The following SDAD1 variants were observed in gnomAD, a reference collection of about 807,000 sequenced individuals.
SDAD1 encodes the protein SDA1 domain containing 1, also known as protein SDA1 homolog.
Under a neutral mutation model 100.3 loss-of-function variants are expected in SDAD1, and 79 were observed. The observed-to-expected ratio is 0.79, with a 90% CI of 0.66 to 0.95. SDAD1 has a LOEUF of 0.95. Among genes scored for constraint, SDAD1 ranks in the 40% least tolerant of loss-of-function variants. The probability of loss-of-function intolerance (pLI) is 0.00; values close to 1 mark genes in which losing one functional copy is unlikely to be tolerated. For missense variants in SDAD1, 790 were observed against 810.9 expected, an observed-to-expected ratio of 0.97 and a Z score of 0.31; for synonymous variants, 267 against 271.4, an observed-to-expected ratio of 0.98 and a Z score of 0.16.
chr4:75,964,890 G>A (rs899533717), intron 13 of SDAD1, among the ~76,000 whole-genome samples: 13 of 152,074 alleles, frequency 8.5e-5, no homozygotes, highest in East Asian at 1.9e-4. Context: ...TCTTAATCCC[G>A]TCATCTTCAT....
Position 75,956,138 on chromosome 4 carries a change from T to G in SDAD1, c.1855-2A>C. On this transcript the variant is annotated splice_acceptor_variant, in intron 20 of 21. Transcript: ENST00000356260. LOFTEE classifies it high-confidence loss of function. ...TTCTTTTCGGTCTGTCTTTCCAGCC[T>G]ACCAGAACAAAAAGTTTGATATTTC... The G allele has an allele frequency of 6.3e-7, 1 of 1,595,278 alleles. No homozygotes were observed. The highest frequency in any genetic ancestry group is 1.1e-5 in the South Asian group (1 of 87,072).
intron 4 of SDAD1, among the ~76,000 whole-genome samples, 191 bp from the exon 5 acceptor site, chr4:75,976,186 G>A (rs1039921430): frequency 1.3e-5 from 2 of 152,184 alleles, no homozygotes; most frequent in African/African-American, 4.8e-5. Context: ...TCCTCAAGAA[G>A]TTAAACATGG....
At chr4:75,967,141 G>C (rs953191166) in intron 12 of SDAD1, 136 bp downstream of exon 12, 28 of 771,200 alleles carry the variant, frequency 3.6e-5, no homozygotes, top group Non-Finnish European at 1.1e-5. Context: ...ACTCTAGAAA[G>C]AAAACAAGGG....
At chr4:75,956,440 T>A (rs1728901039) in intron 20 of SDAD1, among the ~76,000 whole-genome samples, 1 of 146,830 alleles carries the variant, frequency 6.8e-6, no homozygotes, top group South Asian at 2.1e-4. Flanking sequence ...AAGGCATTCA[T>A]GGTAAGGGAA....
chr4:75,971,544 C>A, intron 8 of SDAD1, 86 bp from the exon 9 acceptor site: 2 of 951,446 alleles, frequency 2.1e-6, no homozygotes, highest in South Asian at 1.4e-5. Context: ...CTTCTTCGTT[C>A]TTATACTCTT....
chr4:75,966,312 A>ACACACACACACACT (rs1383701973), intron 12 of SDAD1, among the ~76,000 whole-genome samples: 3 of 136,028 alleles, frequency 2.2e-5, no homozygotes, highest in Non-Finnish European at 4.8e-5. Flanking sequence ...ACACACACAC[A>ACACACACACACACT]CTGTCTCTTT....
intron 1 of SDAD1, among the ~76,000 whole-genome samples, chr4:75,990,204 C>A (rs184331231): frequency 6.6e-6 from 1 of 151,836 alleles, no homozygotes; most frequent in Admixed American, 6.6e-5. Context: ...TCATGCCAGT[C>A]TCCGGTAAGT....
intron 12 of SDAD1, among the ~76,000 whole-genome samples, chr4:75,966,835 T>A (rs1729570437): frequency 6.6e-6 from 1 of 152,184 alleles, no homozygotes; most frequent in African/African-American, 2.4e-5. Context: ...AAGGGCACAA[T>A]CTCGGCTCAC....
At position 75,957,578 on chromosome 4, in the gene SDAD1, G is replaced by A. The variant is rs1728972535; in HGVS notation, c.1709C>T (p.Ala570Val). 1.2e-6 allele frequency: 2 copies of A among 1,614,182 alleles called. No homozygotes were observed. The highest frequency in any genetic ancestry group is 1.6e-4 in the Middle Eastern group (1 of 6,062). The change falls in exon 19 of 22, where the codon GCT becomes GTT. Residue 570 changes from alanine (A) to valine (V), a missense_variant. Coordinates refer to ENST00000356260, the MANE Select transcript of SDAD1 (RefSeq NM_018115.4). The stretch of plus-strand genomic sequence containing the variant: ...CCTCTTCTGGGATTTCCCGGGGGCA[G>A]CATCAAGTTCTTTTCTCATTTGGGC... ...RMAQMRKELD[A>V]APGKSQKRKY...
chr4:75,957,897 C>T lies in SDAD1; in HGVS notation c.1528G>A (p.Gly510Ser). ...GAGTGTTGCACATCAATCCATTCAC[C>T]ATCAGCATCCTCCTCCTCACTGAGA... ...TSLSEEEDAD[G>S]EWIDVQHSSD... Residue 510 changes from glycine to serine, a missense_variant, in exon 18 of 22, where the codon GGT becomes AGT. By Grantham distance (56) the Gly-to-Ser change is moderately conservative. Coordinates refer to ENST00000356260, the MANE Select transcript of SDAD1 (RefSeq NM_018115.4). The T allele has an allele frequency of 6.2e-7, 1 of 1,613,332 alleles. No individual in the cohort carries two copies. The highest frequency in any genetic ancestry group is 8.5e-7 in the Non-Finnish European group (1 of 1,180,022).
At chr4:75,963,334 CT>C (rs1465697336) in intron 14 of SDAD1, among the ~76,000 whole-genome samples, 1 of 151,972 alleles carries the variant, frequency 6.6e-6, no homozygotes, top group Non-Finnish European at 1.5e-5. Context: ...GTGACTCCAG[CT>C]TTGTTCTTTT....
In SDAD1 at chr4:75,964,218, T is replaced by C. The variant is rs761683895; in HGVS notation, c.1105-7A>G. 1.3e-6 allele frequency: 2 copies of C among 1,593,484 alleles called. No homozygotes were observed. The highest frequency in any genetic ancestry group is 1.7e-6 in the Non-Finnish European group (2 of 1,166,382). ...TAAGCAATGATTGAATAATCTGAAT[T>C]GGAAACAAAAAAGAGATGGGTGCTG... On this transcript the variant is annotated splice_region_variant and splice_polypyrimidine_tract_variant and intron_variant, in intron 13 of 21. Coordinates refer to ENST00000356260, the MANE Select transcript of SDAD1 (RefSeq NM_018115.4).
chr4:75,990,333 C>T (rs1267809300), intron 1 of SDAD1, among the ~76,000 whole-genome samples: 1 of 144,286 alleles, frequency 6.9e-6, no homozygotes, highest in African/African-American at 2.5e-5. Flanking sequence ...CAGAAACGGA[C>T]GTCAATCGAA....
At position 75,967,288 on chromosome 4, in the gene SDAD1, G is replaced by C. The variant is rs189684441; in HGVS notation, c.1034C>G (p.Pro345Arg). The change falls in exon 12 of 22, where the codon CCC (proline) becomes CGC (arginine). Residue 345 changes from proline (P) to arginine (R), a missense_variant. Pro to Arg is a moderately radical substitution (Grantham distance 103). Transcript: ENST00000356260. ...FYPFLQRFLQ[P>R]HQREVTKILL... ...AAGTGGCAGCTTACCTCTTTGGTGG[G>C]GCTGCAGAAACCTTTGCAAAAAGGG... The C allele has an allele frequency of 3.1e-6, 5 of 1,614,018 alleles. No homozygotes were observed. Among genetic ancestry groups the C allele is most frequent in the Non-Finnish European group, 4.2e-6 (5 of 1,179,970 alleles).
intron 14 of SDAD1, 104 bp downstream of exon 14, chr4:75,964,031 T>A (rs1729396766): frequency 1.3e-6 from 1 of 757,336 alleles, no homozygotes; most frequent in Non-Finnish European, 2.2e-6. Context: ...TAAACCAATT[T>A]TATAGAGGTG....
chr4:75,973,888 AACTGCATGCCTGCACATC>A (rs1730006476), intron 7 of SDAD1, among the ~76,000 whole-genome samples, 170 bp downstream of exon 7: 1 of 151,640 alleles, frequency 6.6e-6, no homozygotes, highest in Non-Finnish European at 1.5e-5. Flanking sequence ...ACTTAACATA[AACTGCATGCCTGCACATC>A]ACTGCATGCC....
chr4:75,962,261 G>A (rs1292716748), intron 14 of SDAD1, among the ~76,000 whole-genome samples: 2 of 152,206 alleles, frequency 1.3e-5, no homozygotes, highest in Non-Finnish European at 2.9e-5. Flanking sequence ...GTATTCCATA[G>A]CGTATATGTG....
rs754313844 is a variant in SDAD1, at chr4:75,950,715, A to G, written c.*35T>C. Reference sequence around the variant, plus strand: ...ATTTTCAGAGCAAGGACACAAACTTAGCATTCTTCTAGGAATGGAAAACTT... The same window carrying G: ...ATTTTCAGAGCAAGGACACAAACTTGGCATTCTTCTAGGAATGGAAAACTT... On this transcript the variant is annotated 3_prime_UTR_variant, in exon 22 of 22. Transcript: ENST00000356260. 2.0e-6 allele frequency: 3 copies of G among 1,480,894 alleles called. No homozygotes were observed. Among genetic ancestry groups the G allele is most frequent in the Non-Finnish European group, 1.9e-6 (2 of 1,067,562 alleles). The allele number at this position is 1,480,894 out of a possible 1,614,324, so 91.7% of individuals were successfully genotyped here.
Position 75,990,274 on chromosome 4 carries a change from A to ACC in SDAD1, c.90+476_90+477dup, listed in dbSNP as rs11294605. ...CGAGTCTGTCCGTTGTGCTTGAGAA[A>ACC]CCCCCCCCCCCCCTTTCCTGGCACA... On this transcript the variant is annotated intron_variant, in intron 1 of 21. Transcript: ENST00000356260. Among the ~76,000 whole-genome samples, 76 of 119,370 alleles carry ACC rather than the reference A, an allele frequency of 6.4e-4. 1 individual carries two copies. Among genetic ancestry groups the ACC allele is most frequent in the African/African-American group, 1.4e-3 (43 of 31,682 alleles). 78.3% of individuals were successfully genotyped at this position (119,370 alleles called of 152,430 possible). A position where few individuals can be genotyped will look rare whatever the true frequency, so the allele number is the denominator to read the frequency against.
Sources: allele counts gnomAD v4.1 joint callset (sites outside exome capture counted in the v4.1 genomes callset), GRCh38; gene constraint gnomAD v4.1.1; transcripts MANE v1.5; gene names NCBI Gene and HGNC (gene_info 2026-07-23, HGNC 2026-07-21).